The following GNAS variants were observed in gnomAD, a reference collection of about 807,000 sequenced individuals.
GNAS encodes protein ALEX.
Under a neutral mutation model 54.5 loss-of-function variants are expected in GNAS, and 8 were observed. The observed-to-expected ratio is 0.15, with a 90% CI of 0.09 to 0.26. GNAS has a LOEUF of 0.26. GNAS is among the 10% of genes least tolerant of loss of function. The pLI is 1.00. For missense variants in GNAS, 170 were observed against 529.8 expected (o/e 0.32, Z 6.67); for synonymous variants, 204 against 191.4 (o/e 1.07, Z -0.54).
At chr20:58,891,026 G>A (rs1455605728), upstream of GNAS, among the ~76,000 whole-genome samples, 2 of 150,670 alleles carry the variant, frequency 1.3e-5, no homozygotes, top group South Asian at 2.1e-4. Context: ...GCCGGGCGAC[G>A]CGGTCCGGGG....
rs539335894 is a variant in GNAS, at chr20:58,856,446, A to T, written c.43+15560A>T. 6.5e-6 allele frequency: 1 copy of T among 152,678 alleles called. No individual in the cohort carries two copies. The highest frequency in any genetic ancestry group is 1.9e-4 in the East Asian group (1 of 5,202). 9.5% of individuals were successfully genotyped at this position (152,678 alleles called of 1,614,324 possible). Reference sequence around the variant, plus strand: ...TAAGCCAATCATTTTTACAAAGAGTACAGTAGGAGGGGCTTGGTTTAAAAA... The same window carrying T: ...TAAGCCAATCATTTTTACAAAGAGTTCAGTAGGAGGGGCTTGGTTTAAAAA... On this transcript the variant is annotated intron_variant, in intron 1 of 12. Coordinates refer to the GNAS transcript ENST00000306090. This position sits in a 1 kb window ranked among gnomAD's most constrained non-coding sequence, Gnocchi z 4.2.
At chr20:58,895,351 A>G in intron 1 of GNAS, 1 of 475,442 alleles carries the variant, frequency 2.1e-6, no homozygotes, top group South Asian at 2.2e-5. Context: ...TTTTTTAAAC[A>G]ATCAAAAGAA....
rs973922752 is a variant in GNAS, at chr20:58,853,115, C to G, written c.43+12229C>G. ...GGGTTCCTTCCAGGCCTTGAACCCC[C>G]CAACCTCACAAGGGTTGGAAAGTGA... is the stretch of plus-strand genomic sequence containing the variant. On this transcript the variant is annotated intron_variant, in intron 1 of 12. Transcript: ENST00000306090. The surrounding 1 kb of genome is among the most constrained non-coding windows in gnomAD (Gnocchi z 4.4). 5.6e-6 allele frequency: 8 copies of G among 1,426,480 alleles called. No homozygotes were observed. The African/African-American group carries it at 8.6e-5, about 15-fold the overall frequency. The allele number at this position is 1,426,480 out of a possible 1,614,324, so 88.4% of individuals were successfully genotyped here. A position where few individuals can be genotyped will look rare whatever the true frequency, so the allele number is the denominator to read the frequency against.
chr20:58,891,450 GCCTCGGCCCGGCGGCGGCCATCAGCCC>G lies in GNAS; in HGVS notation c.-268_-242del, dbSNP rs1288499089. The G allele has an allele frequency of 1.5e-6, 1 of 652,082 alleles. No homozygotes were observed. Among genetic ancestry groups the G allele is most frequent in the Non-Finnish European group, 1.9e-6 (1 of 528,260 alleles). 40.4% of individuals were successfully genotyped at this position (652,082 alleles called of 1,614,324 possible). On this transcript the variant is annotated 5_prime_UTR_variant, in exon 1 of 13. Coordinates refer to ENST00000371085, the MANE Select transcript of GNAS (RefSeq NM_000516.7). The stretch of plus-strand genomic sequence containing the variant: ...GCTCCCGCAGCTCCTGCTCTGGTCC[GCCTCGGCCCGGCGGCGGCCATCAGCCC>G]CCTCGGCCTCGGCTCGAGGGGCGGG...
intron 1 of GNAS, among the ~76,000 whole-genome samples, chr20:58,893,336 AAATGT>A (rs1322642502): frequency 6.6e-6 from 1 of 152,106 alleles, no homozygotes; most frequent in Admixed American, 6.5e-5. Context: ...TGGGGGAAAA[AAATGT>A]AATGAAATGA....
intron 1 of GNAS, among the ~76,000 whole-genome samples, chr20:58,845,551 A>T (rs147558786): frequency 6.6e-6 from 1 of 152,144 alleles, no homozygotes; most frequent in Non-Finnish European, 1.5e-5. Context: ...AAACAAAAAA[A>T]TCTGGTTCTG....
chr20:58,842,745 TGTCTC>T (rs1039991764), intron 1 of GNAS, among the ~76,000 whole-genome samples: 2 of 152,220 alleles, frequency 1.3e-5, no homozygotes, highest in Non-Finnish European at 2.9e-5. Context: ...CCTCTGGTAA[TGTCTC>T]AGCCTGAGTT....
At chr20:58,855,581 A>T (rs1208700161) in intron 1 of GNAS, 1 of 716,470 alleles carries the variant, frequency 1.4e-6, no homozygotes, top group East Asian at 2.7e-5. Context: ...AGCGACACTG[A>T]GGGTCGTTTC....
At chr20:58,882,170 G>C (rs556209742) in intron 1 of GNAS, among the ~76,000 whole-genome samples, 301 of 152,276 alleles carry the variant, frequency 2.0e-3, no homozygotes, top group African/African-American at 6.9e-3. Flanking sequence ...CCGGGTTCAC[G>C]CCATTCTCCC....
chr20:58,898,699 G>C lies in GNAS; in HGVS notation c.213-242G>C, dbSNP rs2090318622. On this transcript the variant is annotated intron_variant, in intron 2 of 12. Coordinates refer to ENST00000371085, the MANE Select transcript of GNAS (RefSeq NM_000516.7). ...CTCCTGTCTCCGACCAGAGTCTCCA[G>C]AGAGCTCTGTTAATACTGCAGCAAA... 9 of 599,488 alleles carry C rather than the reference G, an allele frequency of 1.5e-5. No individual in the cohort carries two copies. In the East Asian group the frequency reaches 1.9e-4, roughly 13 times the overall value. 37.1% of individuals were successfully genotyped at this position (599,488 alleles called of 1,614,324 possible). A position where few individuals can be genotyped will look rare whatever the true frequency, so the allele number is the denominator to read the frequency against.
chr20:58,889,469 C>A, upstream of GNAS: 1 of 440,332 alleles, frequency 2.3e-6, no homozygotes, highest in Non-Finnish European at 3.0e-6. Context: ...TGCCCCGGGG[C>A]GCCTCCGGGC....
chr20:58,874,569 C>T (rs2087666552), intron 1 of GNAS, among the ~76,000 whole-genome samples: 1 of 152,128 alleles, frequency 6.6e-6, no homozygotes, highest in Admixed American at 6.5e-5. Context: ...CTTGGGCTGG[C>T]CCCCGTCTTA....
intron 1 of GNAS, chr20:58,842,338 G>C: frequency 2.5e-6 from 1 of 397,894 alleles, no homozygotes; most frequent in East Asian, 3.6e-5. Flanking sequence ...GGATGACAAC[G>C]ATTTGGAGGA....
intron 1 of GNAS, chr20:58,854,075 G>A (rs1290398674): frequency 1.9e-6 from 3 of 1,611,798 alleles, no homozygotes; most frequent in Middle Eastern, 1.6e-4. Flanking sequence ...CTCCCGCCGC[G>A]AACGCGCCTC....
At chr20:58,864,710 C>A (rs1278653710) in intron 1 of GNAS, among the ~76,000 whole-genome samples, 3 of 152,194 alleles carry the variant, frequency 2.0e-5, no homozygotes, top group Non-Finnish European at 4.4e-5. Flanking sequence ...CCAGGACAGA[C>A]CTTGGATTCA....
In GNAS at chr20:58,903,619, A is replaced by G; in HGVS notation, c.312+34A>G. On this transcript the variant is annotated intron_variant, in intron 4 of 12. Coordinates refer to ENST00000371085, the MANE Select transcript of GNAS (RefSeq NM_000516.7). ...TGGCTCCTTGTGCTGTCTGTCTTGT[A>G]GCGCCCTCCCAGCCAGTGCTGTTCC... The G allele has an allele frequency of 4.3e-6, 7 of 1,614,058 alleles. No individual in the cohort carries two copies. In the Middle Eastern group the frequency reaches 6.6e-4, roughly 152 times the overall value.
intron 1 of GNAS, among the ~76,000 whole-genome samples, chr20:58,878,260 C>T (rs1029255952): frequency 1.3e-5 from 2 of 152,208 alleles, no homozygotes; most frequent in African/African-American, 2.4e-5. Context: ...CAAGGGGCAT[C>T]GGGCCCCGGC....
chr20:58,854,204 C>A (rs749050777), intron 1 of GNAS: 25 of 1,612,984 alleles, frequency 1.5e-5, no homozygotes, highest in Middle Eastern at 3.3e-4. Context: ...AGATTGGCAG[C>A]GCCCCCGCTG....
At chr20:58,901,473 C>T (rs898405524) in intron 3 of GNAS, among the ~76,000 whole-genome samples, 1 of 152,202 alleles carries the variant, frequency 6.6e-6, no homozygotes, top group African/African-American at 2.4e-5. Flanking sequence ...GCTCACCTCC[C>T]TGTCATCTGT....
Sources: allele counts gnomAD v4.1 joint callset (sites outside exome capture counted in the v4.1 genomes callset), GRCh38; gene constraint gnomAD v4.1.1; non-coding constraint Gnocchi (gnomAD v3.1); transcripts MANE v1.5; gene names NCBI Gene and HGNC (gene_info 2026-07-23, HGNC 2026-07-21).